WDPCP: variants seen among roughly 807,000 people sequenced by gnomAD.
WDPCP encodes the protein WD repeat containing planar cell polarity effector.
A neutral mutation model predicts 93.1 loss-of-function variants in WDPCP; 71 were observed. That is an observed-to-expected ratio of 0.76 (90% CI 0.63 to 0.93). The LOEUF (loss-of-function observed/expected upper bound fraction) is 0.93, where lower values mean the gene tolerates loss of function less well. WDPCP is among the 40% of genes least tolerant of loss of function. The pLI is 0.00. For missense variants in WDPCP, 844 were observed against 887.4 expected (o/e 0.95, Z 0.62); for synonymous variants, 315 against 315.0 (o/e 1.00, Z 0.00).
rs1679743074 is a variant in WDPCP at position 63,240,053 on chromosome 2, A to T, written c.1915+19254T>A. ...ATAAAATTTTACTGCTGGAAAAGAC[A>T]GACTCTTCTGTATCTTTATTTTATA... On this transcript the variant is annotated intron_variant, in intron 14 of 17. Coordinates refer to ENST00000272321, the MANE Select transcript of WDPCP (RefSeq NM_015910.7). 2.0e-5 allele frequency among the ~76,000 whole-genome samples: 3 copies of T among 152,256 alleles called. No individual in the cohort carries two copies. In the South Asian group the frequency reaches 6.2e-4, roughly 32 times the overall value.
intron 6 of WDPCP, among the ~76,000 whole-genome samples, chr2:63,459,111 A>G (rs1474637689): frequency 6.6e-6 from 1 of 152,190 alleles, no homozygotes; most frequent in East Asian, 1.9e-4. Flanking sequence ...AAACTACTAG[A>G]AATAGTAGTA....
chr2:63,613,080 C>T (rs558867260), intron 3 of WDPCP, among the ~76,000 whole-genome samples: 4 of 152,300 alleles, frequency 2.6e-5, no homozygotes, highest in South Asian at 2.1e-4. Flanking sequence ...CAGTTAGTCA[C>T]GTGCATGGCT....
intron 1 of WDPCP, among the ~76,000 whole-genome samples, chr2:63,559,673 A>C (rs545955611): frequency 2.6e-5 from 4 of 152,226 alleles, no homozygotes; most frequent in Non-Finnish European, 4.4e-5. Flanking sequence ...CCCATTCACA[A>C]CTGCTATAAA....
chr2:63,619,271 A>C (rs921110866), intron 3 of WDPCP, among the ~76,000 whole-genome samples: 1 of 152,194 alleles, frequency 6.6e-6, no homozygotes, highest in Non-Finnish European at 1.5e-5. Context: ...TCATCAGAGA[A>C]AATTATCCAG....
At chr2:63,721,551 A>T (rs958474523) in intron 2 of WDPCP, among the ~76,000 whole-genome samples, 3 of 152,104 alleles carry the variant, frequency 2.0e-5, no homozygotes, top group Admixed American at 6.5e-5. Context: ...ATATAAATAA[A>T]TTTTTAAAAT....
chr2:63,487,564 T>C, intron 2 of WDPCP, 70 bp from the exon 3 acceptor site: 1 of 1,136,696 alleles, frequency 8.8e-7, no homozygotes, highest in Non-Finnish European at 1.3e-6. Context: ...CAAGCCATAC[T>C]ATATTAGGGG....
intron 2 of WDPCP, among the ~76,000 whole-genome samples, chr2:63,795,551 G>A (rs1670602639): frequency 6.7e-6 from 1 of 149,586 alleles, no homozygotes; most frequent in African/African-American, 2.5e-5. Context: ...AAGAGAGAGG[G>A]GGGAAGAAAG....
chr2:63,265,384 A>C (rs907932602), intron 13 of WDPCP, among the ~76,000 whole-genome samples: 1 of 152,156 alleles, frequency 6.6e-6, no homozygotes, highest in Non-Finnish European at 1.5e-5. Flanking sequence ...ACAACATACT[A>C]CTACTACTAT....
chr2:63,215,816 C>A (rs1382618176), intron 14 of WDPCP, among the ~76,000 whole-genome samples: 2 of 152,144 alleles, frequency 1.3e-5, no homozygotes, highest in Non-Finnish European at 2.9e-5. Flanking sequence ...ACTCATCTGA[C>A]AAAGGGCTAA....
At chr2:63,714,974 T>C (rs906630625) in intron 2 of WDPCP, among the ~76,000 whole-genome samples, 1 of 152,240 alleles carries the variant, frequency 6.6e-6, no homozygotes, top group African/African-American at 2.4e-5. Context: ...CGATAGAATA[T>C]TATTCAGTCA....
chr2:63,804,447 G>T (rs1442605435), intron 2 of WDPCP, among the ~76,000 whole-genome samples: 2 of 151,524 alleles, frequency 1.3e-5, no homozygotes, highest in Non-Finnish European at 2.9e-5. Flanking sequence ...AGTAGAGACT[G>T]GGTTTCACCG....
At chr2:63,484,805 A>G in intron 5 of WDPCP, 112 bp downstream of exon 5, 1 of 1,498,096 alleles carries the variant, frequency 6.7e-7, no homozygotes, top group Non-Finnish European at 9.2e-7. Context: ...ACTGGACAAA[A>G]GCAAAGCTAT....
intron 10 of WDPCP, among the ~76,000 whole-genome samples, chr2:63,399,624 GAGAC>G (rs1448621762): frequency 6.7e-6 from 1 of 148,512 alleles, no homozygotes; most frequent in Non-Finnish European, 1.5e-5. Context: ...GGAAGAGAGA[GAGAC>G]AGAGTATGTG....
intron 12 of WDPCP, among the ~76,000 whole-genome samples, chr2:63,342,037 T>C (rs977018318): frequency 2.6e-5 from 4 of 152,124 alleles, no homozygotes; most frequent in African/African-American, 4.8e-5. Flanking sequence ...GAGGGGGTGA[T>C]AGTTTTGGAA....
intron 13 of WDPCP, among the ~76,000 whole-genome samples, chr2:63,292,164 A>AAAAGAC (rs1486287560): frequency 4.6e-5 from 7 of 151,698 alleles, no homozygotes; most frequent in African/African-American, 7.3e-5. Flanking sequence ...AAAAGAAAAG[A>AAAAGAC]AAAGACAAAC....
intron 10 of WDPCP, among the ~76,000 whole-genome samples, chr2:63,397,148 G>T: frequency 6.6e-6 from 1 of 152,038 alleles, no homozygotes; most frequent in Admixed American, 6.6e-5. Flanking sequence ...AATAGAGAAG[G>T]TCTACATTAA....
At chr2:63,249,276 C>A (rs1309683338) in intron 14 of WDPCP, among the ~76,000 whole-genome samples, 9 of 152,002 alleles carry the variant, frequency 5.9e-5, no homozygotes, top group Admixed American at 1.3e-4. Context: ...GTTGACTGGG[C>A]CTGTGTGTGG....
At chr2:63,294,580 T>C (rs1045519898) in intron 13 of WDPCP, among the ~76,000 whole-genome samples, 7 of 129,332 alleles carry the variant, frequency 5.4e-5, no homozygotes, top group Non-Finnish European at 1.2e-4. Flanking sequence ...TCTGGCAAAA[T>C]TGTCCTTCAA....
intron 1 of WDPCP, among the ~76,000 whole-genome samples, chr2:63,505,842 T>C (rs545136645): frequency 9.9e-5 from 15 of 152,148 alleles, no homozygotes; most frequent in African/African-American, 3.6e-4. Flanking sequence ...GCATTCACAA[T>C]ATGAAGTTAA....
Sources: allele counts gnomAD v4.1 joint callset (sites outside exome capture counted in the v4.1 genomes callset), GRCh38; gene constraint gnomAD v4.1.1; transcripts MANE v1.5; gene names NCBI Gene and HGNC (gene_info 2026-07-23, HGNC 2026-07-21).